SCN2A: variants seen among roughly 807,000 people sequenced by gnomAD.
SCN2A encodes the protein sodium voltage-gated channel alpha subunit 2, also known as sodium channel protein type 2 subunit alpha.
A neutral mutation model predicts 188.7 loss-of-function variants in SCN2A; 20 were observed. The ratio of observed to expected loss-of-function variants is 0.11; its 90% confidence interval spans 0.07 to 0.15. The LOEUF (loss-of-function observed/expected upper bound fraction) is 0.15, where lower values mean the gene tolerates loss of function less well. Ranked by LOEUF, SCN2A falls within the 10% of genes least tolerant of loss-of-function variation. The probability of loss-of-function intolerance (pLI) is 1.00; values close to 1 mark genes in which losing one functional copy is unlikely to be tolerated. For synonymous variants in SCN2A, 804 were observed against 833.1 expected (o/e 0.97, Z 0.60); for missense variants, 1,278 against 2,445.0 (o/e 0.52, Z 10.07).
chr2:165,331,252 A>T, intron 13 of SCN2A, 78 bp from the exon 14 acceptor site: 1 of 1,145,010 alleles, frequency 8.7e-7, no homozygotes, highest in South Asian at 1.3e-5. Context: ...GATTTTTTAA[A>T]TTCCTTTTAA....
At chr2:165,313,174 A>G (rs538541187) in intron 8 of SCN2A, among the ~76,000 whole-genome samples, 2 of 152,056 alleles carry the variant, frequency 1.3e-5, no homozygotes, top group South Asian at 2.1e-4. Context: ...AGGTCCTCCT[A>G]TGACATTTTT....
chr2:165,327,264 G>T (rs1045050862), intron 13 of SCN2A: 2 of 400,636 alleles, frequency 5.0e-6, no homozygotes, highest in African/African-American at 4.1e-5. Flanking sequence ...TGTGCATGAC[G>T]TTGAAAAGAG....
At chr2:165,355,126 G>A (rs988708945) in intron 17 of SCN2A, among the ~76,000 whole-genome samples, 1 of 152,064 alleles carries the variant, frequency 6.6e-6, no homozygotes, top group South Asian at 2.1e-4. Flanking sequence ...TATTTTGTTT[G>A]CACAGACATA....
At chr2:165,261,204 C>T (rs778497801) in intron 1 of SCN2A, among the ~76,000 whole-genome samples, 1 of 152,148 alleles carries the variant, frequency 6.6e-6, no homozygotes, top group Non-Finnish European at 1.5e-5. Context: ...TGGTTAAACT[C>T]ACAGATGCAG....
intron 17 of SCN2A, among the ~76,000 whole-genome samples, chr2:165,355,853 G>C (rs1383203687): frequency 1.3e-5 from 2 of 151,972 alleles, no homozygotes; most frequent in Non-Finnish European, 2.9e-5. Context: ...AAAAAAATTA[G>C]CCAGGCGTGG....
intron 1 of SCN2A, among the ~76,000 whole-genome samples, chr2:165,291,046 T>C (rs1286864655): frequency 7.3e-6 from 1 of 136,446 alleles, no homozygotes; most frequent in Non-Finnish European, 1.6e-5. Context: ...TTTTTTTTTT[T>C]TTTTTTTTTT....
chr2:165,325,968 T>C lies in SCN2A; in HGVS notation c.2017-884T>C, dbSNP rs924977531. On this transcript the variant is annotated intron_variant, in intron 12 of 26. Transcript: ENST00000375437. ...TTTTGATCATATTATTATATTTTGA[T>C]CATATTGTTCTTTTAGAAATAGGGA... 3.9e-5 allele frequency among the ~76,000 whole-genome samples: 6 copies of C among 152,188 alleles called. No homozygotes were observed. The South Asian group carries it at 8.3e-4, about 21-fold the overall frequency.
chr2:165,301,227 C>T (rs757890001), intron 3 of SCN2A, among the ~76,000 whole-genome samples: 3 of 152,052 alleles, frequency 2.0e-5, no homozygotes, highest in Non-Finnish European at 2.9e-5. Flanking sequence ...ACCTATTAGA[C>T]ATCATTGGAG....
At chr2:165,381,010 G>A in intron 24 of SCN2A, 83 bp from the exon 25 acceptor site, 1 of 925,354 alleles carries the variant, frequency 1.1e-6, no homozygotes. Context: ...AAATGTGGGA[G>A]CCAATTTTCA....
chr2:165,259,999 C>A (rs928446440), intron 1 of SCN2A, among the ~76,000 whole-genome samples: 4 of 131,744 alleles, frequency 3.0e-5, no homozygotes, highest in African/African-American at 6.0e-5. Flanking sequence ...AGTGCAGTGG[C>A]ATGATTTCGG....
intron 25 of SCN2A, among the ~76,000 whole-genome samples, chr2:165,384,363 T>C (rs1366360949): frequency 6.6e-6 from 1 of 152,064 alleles, no homozygotes; most frequent in Non-Finnish European, 1.5e-5. Flanking sequence ...GAACATAAAT[T>C]TTTGGTGAAT....
intron 1 of SCN2A, among the ~76,000 whole-genome samples, chr2:165,260,970 C>CA (rs760304392): frequency 0.22 from 20,003 of 90,218 alleles, 2,242 homozygotes; most frequent in South Asian, 0.27. Flanking sequence ...AACTCCGTCT[C>CA]AAAAAAAAAA....
At position 165,262,116 on chromosome 2, in the gene SCN2A, C is replaced by CT. The variant is rs1291239945; in HGVS notation, c.-52+22483dup. Among the ~76,000 whole-genome samples, 7 of 152,118 alleles carry CT rather than the reference C, an allele frequency of 4.6e-5. No individual in the cohort carries two copies. The East Asian group carries it at 1.4e-3, about 29-fold the overall frequency. On this transcript the variant is annotated intron_variant, in intron 1 of 26. Transcript: ENST00000375437. The stretch of plus-strand genomic sequence containing the variant: ...TGCCCATCTCAAATAATAGGTGGGA[C>CT]TTTTTTTCACTTTTATTTTAAGTGA...
In SCN2A at chr2:165,340,748, A is replaced by G. The variant is rs186418975; in HGVS notation, c.2389-1548A>G. 4.4e-3 allele frequency among the ~76,000 whole-genome samples: 677 copies of G among 152,334 alleles called. 3 individuals carry two copies. The highest frequency in any genetic ancestry group is 0.016 in the African/African-American group (645 of 41,572). ...GTTAGAGGAAGAAAATCAGGTGAGTAGCATCCAGGGAGGTGTGGATCACAG... is the reference window on the plus strand; with the variant it reads ...GTTAGAGGAAGAAAATCAGGTGAGTGGCATCCAGGGAGGTGTGGATCACAG... On this transcript the variant is annotated intron_variant, in intron 14 of 26. Transcript: ENST00000375437.
chr2:165,294,372 T>C (rs1696388486), intron 1 of SCN2A, among the ~76,000 whole-genome samples: 1 of 151,996 alleles, frequency 6.6e-6, no homozygotes, highest in African/African-American at 2.4e-5. Context: ...TAGGAATGGG[T>C]GAAAAAAATG....
In SCN2A at chr2:165,295,886, C is replaced by T; in HGVS notation, c.63C>T (p.Ser21=). The change falls in exon 2 of 27, where the codon TCC becomes TCT. Residue 21 remains serine, a synonymous_variant. Coordinates refer to ENST00000375437, the MANE Select transcript of SCN2A (RefSeq NM_001040142.2). The stretch of plus-strand genomic sequence containing the variant: ...GCTTCCGCTTCTTTACCAGGGAATC[C>T]CTTGCTGCTATTGAACAACGCATTG... ...PDSFRFFTRE[S]LAAIEQRIAE... 6.2e-7 allele frequency: 1 copy of T among 1,614,130 alleles called. No individual in the cohort carries two copies. The highest frequency in any genetic ancestry group is 8.5e-7 in the Non-Finnish European group (1 of 1,180,032).
Position 165,327,125 on chromosome 2 carries a change from A to G in SCN2A, c.2149+141A>G, listed in dbSNP as rs571239695. The G allele has an allele frequency of 1.8e-4, 192 of 1,068,506 alleles. 6 individuals carry two copies. The Middle Eastern group carries it at 1.8e-3, about 10-fold the overall frequency. The allele number at this position is 1,068,506 out of a possible 1,614,324, so 66.2% of individuals were successfully genotyped here. A position where few individuals can be genotyped will look rare whatever the true frequency, so the allele number is the denominator to read the frequency against. ...TACTAAATAACAGTAAAATCCGTGCATAACTCATGGATTCTATTATCTTCC... is the reference window on the plus strand; with the variant it reads ...TACTAAATAACAGTAAAATCCGTGCGTAACTCATGGATTCTATTATCTTCC... On this transcript the variant is annotated intron_variant, in intron 13 of 26. Transcript: ENST00000375437.
At chr2:165,291,414 TCCTCCCTG>T (rs1696128325) in intron 1 of SCN2A, among the ~76,000 whole-genome samples, 17 of 126,024 alleles carry the variant, frequency 1.3e-4, no homozygotes, top group African/African-American at 1.5e-4. Flanking sequence ...CTTCCTTCCT[TCCTCCCTG>T]TCTGTCTTTC....
At chr2:165,323,729 C>T (rs1474242069) in intron 12 of SCN2A, among the ~76,000 whole-genome samples, 1 of 152,162 alleles carries the variant, frequency 6.6e-6, no homozygotes, top group Non-Finnish European at 1.5e-5. Context: ...AGTAATCTTT[C>T]ATCATTATTA....
Sources: gnomAD v4.1 joint callset for allele counts (sites outside exome capture counted in the v4.1 genomes callset) on GRCh38, gnomAD v4.1.1 for gene constraint, MANE v1.5 for transcripts, NCBI Gene and HGNC (gene_info 2026-07-23, HGNC 2026-07-21) for gene names.